CACNA2D3: variants seen among roughly 807,000 people sequenced by gnomAD.
CACNA2D3 encodes calcium voltage-gated channel auxiliary subunit alpha2delta 3.
CACNA2D3 carries 60 observed loss-of-function variants against 160.6 expected under a neutral mutation model. The ratio of observed to expected loss-of-function variants is 0.37; its 90% CI spans 0.30 to 0.46. The LOEUF (loss-of-function observed/expected upper bound fraction) is 0.46. CACNA2D3 is among the 20% of genes least tolerant of loss of function. CACNA2D3 has a pLI of 1.00. For missense variants in CACNA2D3, 1,205 were observed against 1,365.0 expected (o/e 0.88, Z 1.85); for synonymous variants, 558 against 492.9 (o/e 1.13, Z -1.75).
intron 9 of CACNA2D3, among the ~76,000 whole-genome samples, chr3:54,582,788 C>T (rs994735887): frequency 6.6e-6 from 1 of 152,168 alleles, no homozygotes; most frequent in African/African-American, 2.4e-5. Context: ...TGTGTTGGTG[C>T]TATCTTAGAT....
At position 54,763,821 on chromosome 3, in the gene CACNA2D3, A is replaced by G. The variant is rs1344833257; in HGVS notation, c.1247-397A>G. Among the ~76,000 whole-genome samples, 9 of 97,832 alleles carry G rather than the reference A, an allele frequency of 9.2e-5. 2 individuals are homozygous for G. Among genetic ancestry groups the G allele is most frequent in the African/African-American group, 3.6e-4 (9 of 25,324 alleles). 64.2% of individuals were successfully genotyped at this position (97,832 alleles called of 152,430 possible). A position where few individuals can be genotyped will look rare whatever the true frequency, so the allele number is the denominator to read the frequency against. The stretch of plus-strand genomic sequence containing the variant: ...TATGTACATATATATACATATATAT[A>G]TACGTATATATATGTATATATATGT... On this transcript the variant is annotated intron_variant, in intron 12 of 37. Transcript: ENST00000474759.
intron 12 of CACNA2D3, among the ~76,000 whole-genome samples, chr3:54,763,683 A>G (rs918525463): frequency 7.0e-6 from 1 of 142,500 alleles, no homozygotes; most frequent in Non-Finnish European, 1.5e-5. Context: ...ATATGTATAT[A>G]TGTGTGTATA....
chr3:54,742,231 C>T (rs1186045681), intron 11 of CACNA2D3, among the ~76,000 whole-genome samples: 1 of 152,054 alleles, frequency 6.6e-6, no homozygotes, highest in Non-Finnish European at 1.5e-5. Context: ...CCAGCCTGGC[C>T]AACATGGCGA....
At chr3:54,623,660 C>G (rs535302365) in intron 9 of CACNA2D3, among the ~76,000 whole-genome samples, 2 of 152,140 alleles carry the variant, frequency 1.3e-5, no homozygotes, top group Non-Finnish European at 2.9e-5. Flanking sequence ...ACCCCTGTCT[C>G]TGGGTCAGTG....
intron 11 of CACNA2D3, among the ~76,000 whole-genome samples, chr3:54,675,793 A>G (rs534314553): frequency 6.6e-6 from 1 of 152,140 alleles, no homozygotes; most frequent in Non-Finnish European, 1.5e-5. Context: ...AGAGTGACGA[A>G]AGTAAAGGCT....
chr3:54,339,131 C>G (rs1380892490), intron 3 of CACNA2D3, among the ~76,000 whole-genome samples: 1 of 152,196 alleles, frequency 6.6e-6, no homozygotes, highest in Non-Finnish European at 1.5e-5. Flanking sequence ...ATTGAATGGT[C>G]CTGGCCACGC....
intron 11 of CACNA2D3, among the ~76,000 whole-genome samples, chr3:54,700,899 C>T (rs953987271): frequency 5.3e-5 from 8 of 152,148 alleles, no homozygotes; most frequent in Non-Finnish European, 1.2e-4. Flanking sequence ...GACCTAACAC[C>T]AATTCATTAG....
intron 5 of CACNA2D3, among the ~76,000 whole-genome samples, chr3:54,513,555 G>A (rs1701492554): frequency 1.3e-5 from 2 of 152,174 alleles, no homozygotes; most frequent in South Asian, 4.1e-4. Context: ...TGGGCAATCA[G>A]CATGCAAGCC....
intron 4 of CACNA2D3, among the ~76,000 whole-genome samples, chr3:54,440,090 T>C (rs113275595): frequency 5.9e-5 from 9 of 152,162 alleles, no homozygotes; most frequent in African/African-American, 2.2e-4. Context: ...TACCCACACC[T>C]TTACCCACTC....
chr3:54,724,789 A>G (rs769012004), intron 11 of CACNA2D3, among the ~76,000 whole-genome samples: 18 of 152,202 alleles, frequency 1.2e-4, no homozygotes, highest in Admixed American at 5.9e-4. Flanking sequence ...AGGGAAATTT[A>G]TAGCATTAAA....
chr3:54,924,959 A>G, intron 27 of CACNA2D3: 19 of 1,611,216 alleles, frequency 1.2e-5, no homozygotes, highest in Non-Finnish European at 1.5e-5. Flanking sequence ...CAGGGGCCAG[A>G]TTTGAAAGGG....
At chr3:54,174,531 T>A (rs917404462) in intron 2 of CACNA2D3, among the ~76,000 whole-genome samples, 2 of 151,014 alleles carry the variant, frequency 1.3e-5, no homozygotes, top group Admixed American at 1.3e-4. Flanking sequence ...GAGCTTGAAC[T>A]ATTTTTTTTT....
chr3:54,463,831 G>T (rs1005773122), intron 4 of CACNA2D3, among the ~76,000 whole-genome samples: 2 of 152,218 alleles, frequency 1.3e-5, no homozygotes, highest in Non-Finnish European at 2.9e-5. Flanking sequence ...CGTTCTTTTG[G>T]AGGAGGAGAG....
intron 11 of CACNA2D3, among the ~76,000 whole-genome samples, chr3:54,698,868 A>G (rs149527869): frequency 1.6e-3 from 250 of 152,276 alleles, no homozygotes; most frequent in African/African-American, 5.6e-3. Flanking sequence ...CCCAAATGTA[A>G]CCATTTATAG....
At chr3:54,775,971 A>G (rs1290986064) in intron 13 of CACNA2D3, among the ~76,000 whole-genome samples, 2 of 152,090 alleles carry the variant, frequency 1.3e-5, no homozygotes, top group Non-Finnish European at 2.9e-5. Flanking sequence ...ATCCCCAGTC[A>G]TCGGTGAAAC....
intron 4 of CACNA2D3, among the ~76,000 whole-genome samples, chr3:54,464,928 A>G (rs1308709236): frequency 1.3e-5 from 2 of 151,782 alleles, no homozygotes; most frequent in Admixed American, 1.3e-4. Flanking sequence ...CCTTAAATAC[A>G]TTTTCTATGC....
chr3:54,841,768 G>A (rs1698824306), intron 16 of CACNA2D3, among the ~76,000 whole-genome samples: 1 of 152,162 alleles, frequency 6.6e-6, no homozygotes, highest in Non-Finnish European at 1.5e-5. Context: ...CACGACCTCT[G>A]TTAACATAAC....
At chr3:54,488,178 C>T (rs1379506386) in intron 4 of CACNA2D3, among the ~76,000 whole-genome samples, 1 of 152,204 alleles carries the variant, frequency 6.6e-6, no homozygotes, top group East Asian at 1.9e-4. Flanking sequence ...AGAGCTAGAT[C>T]AAGCATGACC....
rs1491034355 is a variant in CACNA2D3, at chr3:54,350,982, G to GTTT, written c.321+30425_321+30427dup. Among the ~76,000 whole-genome samples, 8 of 61,798 alleles carry GTTT rather than the reference G, an allele frequency of 1.3e-4. 1 individual carries two copies. Among genetic ancestry groups the GTTT allele is most frequent in the Non-Finnish European group, 1.5e-4 (5 of 32,896 alleles). The allele number at this position is 61,798 out of a possible 152,430, so 40.5% of individuals were successfully genotyped here. ...ATCTTGAGTCTGTTTTTTTTTTTTT[G>GTTT]TTTGTTTTTTTTTTTTTTTTTTTTG... On this transcript the variant is annotated intron_variant, in intron 3 of 37. Coordinates refer to ENST00000474759, the MANE Select transcript of CACNA2D3 (RefSeq NM_018398.3).
Sources: gnomAD v4.1 joint callset for allele counts (sites outside exome capture counted in the v4.1 genomes callset) on GRCh38, gnomAD v4.1.1 for gene constraint, MANE v1.5 for transcripts, NCBI Gene and HGNC (gene_info 2026-07-23, HGNC 2026-07-21) for gene names.